The following NUP58 variants were observed in gnomAD, a reference collection of about 807,000 sequenced individuals.
The protein encoded by NUP58 is nucleoporin p58/p45.
NUP58 carries 17 observed loss-of-function variants against 70.1 expected under a neutral mutation model. The ratio of observed to expected loss-of-function variants is 0.24; its 90% confidence interval spans 0.17 to 0.36. NUP58 has a LOEUF of 0.36. Among genes scored for constraint, NUP58 ranks in the 10% least tolerant of loss-of-function variants. The pLI is 1.00. For synonymous variants in NUP58, 275 were observed against 257.6 expected (o/e 1.07, Z -0.65); for missense variants, 644 against 701.5 (o/e 0.92, Z 0.93).
chr13:25,319,240 T>C, intron 6 of NUP58, 86 bp from the exon 7 acceptor site: 1 of 1,151,300 alleles, frequency 8.7e-7, no homozygotes, highest in South Asian at 1.2e-5. Context: ...TATTTATACT[T>C]TAATTTGTGT....
intron 1 of NUP58, among the ~76,000 whole-genome samples, chr13:25,306,296 T>C (rs2030352020): frequency 6.7e-6 from 1 of 149,908 alleles, no homozygotes; most frequent in Non-Finnish European, 1.5e-5. Context: ...TCTGAGCTAC[T>C]CCGGAGGCTG....
At chr13:25,335,018 C>A in intron 13 of NUP58, 1 of 985,128 alleles carries the variant, frequency 1.0e-6, no homozygotes, top group Non-Finnish European at 1.2e-6. Context: ...AATAGTGAAA[C>A]TAATATATAT....
At chr13:25,319,471 A>C in intron 7 of NUP58, 121 bp downstream of exon 7, 1 of 799,612 alleles carries the variant, frequency 1.3e-6, no homozygotes. Flanking sequence ...ACTTTTTTGT[A>C]ATGGTATTCG....
In NUP58 at chr13:25,327,643, A is replaced by G. The variant is rs7997070; in HGVS notation, c.1233+131A>G. ...TATAAGTGAAAAGATGAAAACTACT[A>G]TAATCCATAACATACCCAGACATAA... On this transcript the variant is annotated intron_variant, in intron 12 of 15. Transcript: ENST00000381736. The G allele has an allele frequency of 5.4e-6, 3 of 557,152 alleles. No individual in the cohort carries two copies. The African/African-American group carries it at 5.7e-5, about 11-fold the overall frequency. 34.5% of individuals were successfully genotyped at this position (557,152 alleles called of 1,614,324 possible).
At chr13:25,325,095 A>C (rs1043618612) in intron 10 of NUP58, 27 bp downstream of exon 10, 1 of 1,490,554 alleles carries the variant, frequency 6.7e-7, no homozygotes, top group African/African-American at 1.4e-5. Flanking sequence ...TTAAAAACAA[A>C]TGTTTCTCAC....
rs2031943288 is a variant in NUP58, at chr13:25,341,142, C to G, written c.*1008C>G. 6.6e-6 allele frequency: 1 copy of G among 152,082 alleles called. No individual in the cohort carries two copies. Among genetic ancestry groups the G allele is most frequent in the African/African-American group, 2.4e-5 (1 of 41,390 alleles). The allele number at this position is 152,082 out of a possible 1,614,324, so 9.4% of individuals were successfully genotyped here. A position where few individuals can be genotyped will look rare whatever the true frequency, so the allele number is the denominator to read the frequency against. The stretch of plus-strand genomic sequence containing the variant: ...TACTTGGCCAACTCAACTTTATTGC[C>G]CCTGATCTTTTCCATTTTTGTTTCC... On this transcript the variant is annotated 3_prime_UTR_variant, in exon 16 of 16. Transcript: ENST00000381736.
At chr13:25,323,379 TAA>T (rs60035493) in intron 9 of NUP58, among the ~76,000 whole-genome samples, 40 of 61,966 alleles carry the variant, frequency 6.5e-4, no homozygotes, top group African/African-American at 1.4e-3. Flanking sequence ...AAAATTAAAT[TAA>T]AAAAAAAAAG....
At chr13:25,307,388 G>T (rs1334838660) in intron 1 of NUP58, among the ~76,000 whole-genome samples, 1 of 151,766 alleles carries the variant, frequency 6.6e-6, no homozygotes, top group Non-Finnish European at 1.5e-5. Context: ...GCTAATTTTT[G>T]TATTTTTGGA....
At chr13:25,336,095 TC>T in intron 13 of NUP58, 1 of 1,261,638 alleles carries the variant, frequency 7.9e-7, no homozygotes, top group South Asian at 1.4e-5. Context: ...TCGTTCTGCT[TC>T]TGAGTACATT....
chr13:25,343,818 TATATATATACAC>T (rs2032012716), downstream of NUP58, among the ~76,000 whole-genome samples: 1 of 140,588 alleles, frequency 7.1e-6, no homozygotes, highest in Non-Finnish European at 1.6e-5. Flanking sequence ...TATATATATA[TATATATATACAC>T]ATATATATAT....
Position 25,307,841 on chromosome 13 carries a change from G to A in NUP58, c.143G>A (p.Gly48Glu), listed in dbSNP as rs747284009. 34 of 1,613,988 alleles carry A rather than the reference G, an allele frequency of 2.1e-5. No individual in the cohort carries two copies. Among genetic ancestry groups the A allele is most frequent in the Non-Finnish European group, 2.9e-5 (34 of 1,180,010 alleles). The change falls in exon 2 of 16, where the codon GGA (glycine) becomes GAA (glutamate). Residue 48 changes from glycine (G) to glutamate (E), a missense_variant. Around this residue, in one of 4 missense-constraint regions of NUP58, gnomAD observed 430 missense variants for 409.2 expected, o/e 1.05. Transcript: ENST00000381736. ...PSVGLNFGNL[G>E]STSTPATTSA... ...GTGGGGCTCAATTTTGGAAATCTTGGAAGTACTTCAACTCCAGCAACTACA... is the reference window on the plus strand; with the variant it reads ...GTGGGGCTCAATTTTGGAAATCTTGAAAGTACTTCAACTCCAGCAACTACA...
downstream of NUP58, among the ~76,000 whole-genome samples, chr13:25,347,185 A>C (rs755122162): frequency 1.3e-5 from 2 of 152,142 alleles, no homozygotes; most frequent in Non-Finnish European, 2.9e-5. Context: ...TTGTGGCTTC[A>C]TGTTGGCACT....
intron 10 of NUP58, among the ~76,000 whole-genome samples, chr13:25,325,611 T>A (rs1378768490): frequency 1.3e-5 from 2 of 152,242 alleles, no homozygotes; most frequent in Non-Finnish European, 2.9e-5. Flanking sequence ...CTATACATGC[T>A]TTACCTTCAT....
At chr13:25,337,206 TAAA>T (rs1566072429) in intron 14 of NUP58, among the ~76,000 whole-genome samples, 172 bp downstream of exon 14, 1 of 152,188 alleles carries the variant, frequency 6.6e-6, no homozygotes, top group African/African-American at 2.4e-5. Context: ...ATTTAGAACT[TAAA>T]GAATCATTCC....
At chr13:25,333,548 A>C (rs902745292) in intron 13 of NUP58, 1 of 985,298 alleles carries the variant, frequency 1.0e-6, no homozygotes, top group African/African-American at 1.7e-5. Context: ...CTTAGAACTG[A>C]GAAGCTAAAC....
intron 13 of NUP58, chr13:25,332,877 T>C (rs914568107): frequency 2.0e-6 from 2 of 985,350 alleles, no homozygotes; most frequent in Non-Finnish European, 2.4e-6. Flanking sequence ...CCCATAATTA[T>C]GACCATCAGC....
At chr13:25,305,941 A>AAACGGCAT (rs1219334650) in intron 1 of NUP58, among the ~76,000 whole-genome samples, 1 of 152,148 alleles carries the variant, frequency 6.6e-6, no homozygotes, top group Non-Finnish European at 1.5e-5. Context: ...TCCCCCTGGT[A>AAACGGCAT]AACGGCATGT....
At chr13:25,337,947 GA>G (rs1247702938) in intron 14 of NUP58, among the ~76,000 whole-genome samples, 4 of 152,116 alleles carry the variant, frequency 2.6e-5, no homozygotes, top group African/African-American at 9.7e-5. Flanking sequence ...TAGGAGAGTG[GA>G]AACTAGTCTT....
At chr13:25,338,880 C>A in intron 15 of NUP58, 149 bp downstream of exon 15, 1 of 526,530 alleles carries the variant, frequency 1.9e-6, no homozygotes, top group Non-Finnish European at 3.4e-6. Context: ...CCTAACTAAT[C>A]ATTTTACTTT....
Sources: allele counts gnomAD v4.1 joint callset (sites outside exome capture counted in the v4.1 genomes callset), GRCh38; gene constraint gnomAD v4.1.1; regional missense constraint gnomAD v4.1.1; transcripts MANE v1.5; gene names NCBI Gene and HGNC (gene_info 2026-07-23, HGNC 2026-07-21).